Variants in ELMO1 observed in about 807,000 individuals in gnomAD.
ELMO1 encodes engulfment and cell motility 1.
A neutral mutation model predicts 98.9 loss-of-function variants in ELMO1; 26 were observed. That is an observed-to-expected ratio of 0.26 (90% CI 0.19 to 0.36). The LOEUF is 0.36. ELMO1 is among the 10% of genes least tolerant of loss of function. The probability of loss-of-function intolerance (pLI) is 1.00; values close to 1 mark genes in which losing one functional copy is unlikely to be tolerated. For missense variants in ELMO1, 627 were observed against 935.2 expected (o/e 0.67, Z 4.30); for synonymous variants, 346 against 346.0 (o/e 1.00, Z 0.00).
chr7:37,016,404 C>A (rs1793932358), intron 15 of ELMO1, among the ~76,000 whole-genome samples: 2 of 152,174 alleles, frequency 1.3e-5, no homozygotes, highest in South Asian at 4.1e-4. Context: ...CACCTTCCAT[C>A]ATGAGCTTTT....
chr7:37,196,381 CT>C (rs1457908546), intron 13 of ELMO1, among the ~76,000 whole-genome samples: 1 of 152,198 alleles, frequency 6.6e-6, no homozygotes, highest in African/African-American at 2.4e-5. Context: ...CACAATTTTG[CT>C]TTCTACCCCC....
chr7:37,368,798 G>A (rs77523594), intron 1 of ELMO1, among the ~76,000 whole-genome samples: 12,273 of 152,198 alleles, frequency 0.081, 621 homozygotes, highest in Middle Eastern at 0.12. Flanking sequence ...TTACTTATTT[G>A]CACATTCTCT....
At chr7:37,387,305 A>G (rs1454883596) in intron 1 of ELMO1, among the ~76,000 whole-genome samples, 2 of 152,190 alleles carry the variant, frequency 1.3e-5, no homozygotes, top group African/African-American at 4.8e-5. Flanking sequence ...CCAAGATGTC[A>G]ACAGAGCCCT....
intron 15 of ELMO1, among the ~76,000 whole-genome samples, chr7:37,016,684 T>A (rs34585801): frequency 0.29 from 43,394 of 152,176 alleles, 8,272 homozygotes; most frequent in African/African-American, 0.55. Context: ...TACCAAGGCC[T>A]GCACCGCCAG....
intron 4 of ELMO1, among the ~76,000 whole-genome samples, chr7:37,309,935 T>C (rs903789007): frequency 6.6e-6 from 1 of 152,222 alleles, no homozygotes; most frequent in Non-Finnish European, 1.5e-5. Flanking sequence ...GCATGATAGT[T>C]GAACTGAATT....
chr7:37,100,631 G>A (rs1784588756), intron 14 of ELMO1, among the ~76,000 whole-genome samples: 1 of 152,242 alleles, frequency 6.6e-6, no homozygotes, highest in South Asian at 2.1e-4. Context: ...CCTGCAGCCA[G>A]CCCTTGAGGG....
intron 6 of ELMO1, among the ~76,000 whole-genome samples, chr7:37,245,639 G>A (rs936223783): frequency 1.3e-4 from 20 of 152,088 alleles, no homozygotes; most frequent in South Asian, 6.2e-4. Context: ...AGGGTGAGAC[G>A]GGGAGGCAGG....
At chr7:36,977,801 A>T (rs1229627479) in intron 16 of ELMO1, among the ~76,000 whole-genome samples, 1 of 152,128 alleles carries the variant, frequency 6.6e-6, no homozygotes. Flanking sequence ...AACTCTTACA[A>T]GGGCCCAGTT....
At position 37,157,846 on chromosome 7, in the gene ELMO1, A is replaced by C. The variant is rs183320812; in HGVS notation, c.1087-24612T>G. On this transcript the variant is annotated intron_variant, in intron 13 of 21. Transcript: ENST00000310758. Reference sequence around the variant, plus strand: ...AACCAAAAAAGAGCCTGCATGGCCAAGTCAATCCTAAGCCAAAAGAACAAA... The same window carrying C: ...AACCAAAAAAGAGCCTGCATGGCCACGTCAATCCTAAGCCAAAAGAACAAA... Among the ~76,000 whole-genome samples the C allele has an allele frequency of 3.0e-4, 45 of 152,256 alleles. No individual in the cohort carries two copies. The East Asian group carries it at 8.7e-3, about 29-fold the overall frequency.
chr7:37,189,478 T>G (rs891973953), intron 13 of ELMO1, among the ~76,000 whole-genome samples: 1 of 152,168 alleles, frequency 6.6e-6, no homozygotes, highest in African/African-American at 2.4e-5. Flanking sequence ...GCTATATAAC[T>G]GAAGAAAGAC....
intron 16 of ELMO1, among the ~76,000 whole-genome samples, chr7:36,920,045 T>C (rs1190377318): frequency 2.0e-5 from 3 of 152,186 alleles, no homozygotes; most frequent in Admixed American, 6.5e-5. Flanking sequence ...TGGAATGATG[T>C]CCAATCACTT....
rs565138295 is a variant in ELMO1 at position 37,011,198 on chromosome 7, G to A, written c.1437+2101C>T. ...TTTCACAGCCATATAGGCTAATTAT[G>A]ATAAAAGTTTCACAGTGACACTCTG... On this transcript the variant is annotated intron_variant, in intron 16 of 21. Transcript: ENST00000310758. 2.3e-3 allele frequency among the ~76,000 whole-genome samples: 351 copies of A among 152,306 alleles called. 1 individual carries two copies. The highest frequency in any genetic ancestry group is 8.3e-3 in the African/African-American group (343 of 41,574).
chr7:37,201,324 T>C (rs959388895), intron 13 of ELMO1, among the ~76,000 whole-genome samples: 3 of 152,226 alleles, frequency 2.0e-5, no homozygotes, highest in Non-Finnish European at 4.4e-5. Flanking sequence ...AAATACATTA[T>C]TATTGTTTTT....
chr7:37,222,573 C>T, intron 10 of ELMO1, 42 bp downstream of exon 10: 1 of 1,592,136 alleles, frequency 6.3e-7, no homozygotes, highest in Non-Finnish European at 8.6e-7. Flanking sequence ...CACAAAGTTC[C>T]TAGCCTTGAC....
chr7:37,401,342 A>G (rs1803518308), intron 1 of ELMO1, among the ~76,000 whole-genome samples: 1 of 152,218 alleles, frequency 6.6e-6, no homozygotes, highest in African/African-American at 2.4e-5. Context: ...AAACAGCAGA[A>G]GCAGGAAGGT....
At chr7:36,994,392 C>G (rs1792066251) in intron 16 of ELMO1, among the ~76,000 whole-genome samples, 1 of 152,172 alleles carries the variant, frequency 6.6e-6, no homozygotes, top group South Asian at 2.1e-4. Flanking sequence ...ACTGGGAACC[C>G]TCTAGGGCTG....
intron 2 of ELMO1, among the ~76,000 whole-genome samples, chr7:37,319,895 A>G (rs2717939): frequency 0.33 from 50,025 of 151,940 alleles, 10,364 homozygotes; most frequent in Non-Finnish European, 0.47. Context: ...CCCCATGTCA[A>G]CTATAAATAC....
intron 2 of ELMO1, among the ~76,000 whole-genome samples, chr7:37,331,157 A>G (rs548249660): frequency 6.8e-6 from 1 of 147,582 alleles, no homozygotes; most frequent in South Asian, 2.2e-4. Flanking sequence ...CAGATAAGGG[A>G]AAAACTACTG....
intron 6 of ELMO1, among the ~76,000 whole-genome samples, chr7:37,245,349 A>T (rs1794947310): frequency 6.6e-6 from 1 of 152,198 alleles, no homozygotes; most frequent in Admixed American, 6.5e-5. Context: ...AATGTGAGGC[A>T]CATCCAGAGT....
Sources: gnomAD v4.1 joint callset for allele counts (sites outside exome capture counted in the v4.1 genomes callset) on GRCh38, gnomAD v4.1.1 for gene constraint, MANE v1.5 for transcripts, NCBI Gene and HGNC (gene_info 2026-07-23, HGNC 2026-07-21) for gene names.